ADAM10: variants seen among roughly 807,000 people sequenced by gnomAD.
The protein encoded by ADAM10 is disintegrin and metalloproteinase domain-containing protein 10.
Under a neutral mutation model 90.1 loss-of-function variants are expected in ADAM10, and 17 were observed. The observed-to-expected ratio is 0.19, with a 90% CI of 0.13 to 0.28. The LOEUF is 0.28. ADAM10 is among the 10% of genes least tolerant of loss of function. The pLI, the probability that ADAM10 is intolerant of heterozygous loss-of-function variation, is 1.00. For synonymous variants in ADAM10, 310 were observed against 298.6 expected, an observed-to-expected ratio of 1.04 and a Z score of -0.40; for missense variants, 610 against 914.3, an observed-to-expected ratio of 0.67 and a Z score of 4.29.
chr15:58,696,771 G>C (rs374270838), intron 2 of ADAM10, among the ~76,000 whole-genome samples: 3 of 152,112 alleles, frequency 2.0e-5, no homozygotes, highest in African/African-American at 7.2e-5. Context: ...GGCCAATATC[G>C]ATTTCATAAT....
At chr15:58,631,459 GAA>G (rs1257019829) in intron 9 of ADAM10, among the ~76,000 whole-genome samples, 1 of 152,178 alleles carries the variant, frequency 6.6e-6, no homozygotes, top group Admixed American at 6.5e-5. Context: ...CACAAGAAGT[GAA>G]AAGAGAATGG....
intron 1 of ADAM10, chr15:58,748,555 T>G (rs556855148): frequency 1.1e-5 from 2 of 181,666 alleles, no homozygotes; most frequent in East Asian, 2.7e-4. Flanking sequence ...TTTAGCAAAT[T>G]TGACTTTCAT....
chr15:58,686,735 T>G (rs1475196912), intron 2 of ADAM10: 2 of 615,102 alleles, frequency 3.3e-6, no homozygotes, highest in Non-Finnish European at 5.9e-6. Flanking sequence ...AGCCCTTTCC[T>G]GTGGCCCCGT....
In ADAM10 at chr15:58,646,163, C is replaced by T; in HGVS notation, c.627G>A (p.Leu209=). The part of the protein sequence containing the change: ...EEHAANGPEL[L]RKKRTTSAEK... The stretch of plus-strand genomic sequence containing the variant: ...CAGCTGAAGTTGTACGTTTTTTCCT[C>T]AGAAGTTCTGGACCATTAGCAGCAT... Residue 209 remains leucine (L), a synonymous_variant, in exon 6 of 16, where the codon CTG becomes CTA. Transcript: ENST00000260408. 6.2e-7 allele frequency: 1 copy of T among 1,613,494 alleles called. No homozygotes were observed. The highest frequency in any genetic ancestry group is 8.5e-7 in the Non-Finnish European group (1 of 1,179,802).
intron 6 of ADAM10, among the ~76,000 whole-genome samples, chr15:58,644,931 T>C (rs1896510885): frequency 1.3e-5 from 2 of 152,178 alleles, no homozygotes. Flanking sequence ...TACAAGGAGA[T>C]AAACGATGAT....
chr15:58,674,051 AT>A (rs142282722), intron 4 of ADAM10, among the ~76,000 whole-genome samples: 4 of 151,002 alleles, frequency 2.6e-5, no homozygotes, highest in African/African-American at 4.9e-5. Context: ...TTTTTTTGTG[AT>A]TTTTTTTTAA....
intron 4 of ADAM10, among the ~76,000 whole-genome samples, chr15:58,670,541 C>G (rs1370079981): frequency 6.6e-6 from 1 of 151,914 alleles, no homozygotes; most frequent in African/African-American, 2.4e-5. Flanking sequence ...AAGGAAACAG[C>G]AGAATTTTAT....
chr15:58,685,676 A>G (rs1209083866), intron 2 of ADAM10, among the ~76,000 whole-genome samples: 1 of 151,212 alleles, frequency 6.6e-6, no homozygotes, highest in Non-Finnish European at 1.5e-5. Flanking sequence ...ACAGATACAC[A>G]ATAAACTAGT....
intron 11 of ADAM10, among the ~76,000 whole-genome samples, chr15:58,616,091 A>T (rs1186035124): frequency 1.3e-5 from 2 of 152,192 alleles, no homozygotes; most frequent in Non-Finnish European, 2.9e-5. Context: ...TAACAATTCT[A>T]AATCTATATG....
intron 5 of ADAM10, among the ~76,000 whole-genome samples, chr15:58,663,643 G>A (rs2140726695): frequency 6.6e-6 from 1 of 152,098 alleles, no homozygotes; most frequent in South Asian, 2.1e-4. Flanking sequence ...AATCAATAAA[G>A]GGAGAACTGA....
At position 58,610,480 on chromosome 15, in the gene ADAM10, C is replaced by G; in HGVS notation, c.1842G>C (p.Gln614His). ...PSTCASTGSV[Q>H]WSRHFSGRTI... ...TTCGACCACTGAAGTGCCTACTCCACTGCACAGACCCTGTACTGGCACAAG... is the reference window on the plus strand; with the variant it reads ...TTCGACCACTGAAGTGCCTACTCCAGTGCACAGACCCTGTACTGGCACAAG... Residue 614 changes from glutamine to histidine, a missense_variant, in exon 14 of 16, where the codon CAG becomes CAC. Physicochemically the swap from Gln to His is conservative, Grantham distance 24. Coordinates refer to ENST00000260408, the MANE Select transcript of ADAM10 (RefSeq NM_001110.4). 6.2e-7 allele frequency: 1 copy of G among 1,614,180 alleles called. No homozygotes were observed.
intron 2 of ADAM10, chr15:58,691,360 T>C (rs1897783824): frequency 2.1e-6 from 2 of 954,066 alleles, no homozygotes; most frequent in Admixed American, 1.8e-5. Flanking sequence ...GGCTCACTCA[T>C]ATATATTACC....
intron 5 of ADAM10, among the ~76,000 whole-genome samples, chr15:58,655,711 GTATATATATATATATATA>G (rs1174017303): frequency 1.9e-5 from 1 of 53,734 alleles, no homozygotes; most frequent in African/African-American, 8.1e-5. Flanking sequence ...TATATATATA[GTATATATATATATATATA>G]TATATATATA....
At chr15:58,705,969 T>G (rs1250534247) in intron 2 of ADAM10, among the ~76,000 whole-genome samples, 1 of 152,186 alleles carries the variant, frequency 6.6e-6, no homozygotes, top group Non-Finnish European at 1.5e-5. Flanking sequence ...TAAAGGAAAA[T>G]TTAATATATT....
At chr15:58,747,736 G>A (rs1899837151) in intron 1 of ADAM10, 1 of 152,182 alleles carries the variant, frequency 6.6e-6, no homozygotes, top group South Asian at 2.1e-4. Context: ...AAAGGACTCT[G>A]GAAATATGAA....
chr15:58,612,357 T>C, intron 11 of ADAM10, among the ~76,000 whole-genome samples: 1 of 152,088 alleles, frequency 6.6e-6, no homozygotes, highest in East Asian at 1.9e-4. Context: ...GTAACTCACA[T>C]CCCAGGGAAA....
At chr15:58,686,453 G>A (rs1320541045) in intron 2 of ADAM10, 27 of 1,393,532 alleles carry the variant, frequency 1.9e-5, no homozygotes, top group Non-Finnish European at 2.5e-5. Flanking sequence ...GTGCCTGGTG[G>A]AGCAGCTCAA....
At chr15:58,740,457 A>G (rs2140848741) in intron 1 of ADAM10, among the ~76,000 whole-genome samples, 1 of 152,336 alleles carries the variant, frequency 6.6e-6, no homozygotes, top group Non-Finnish European at 1.5e-5. Flanking sequence ...AATAGAAAAA[A>G]TATGGTATAA....
At chr15:58,645,744 A>G (rs1896529174) in intron 6 of ADAM10, among the ~76,000 whole-genome samples, 2 of 152,178 alleles carry the variant, frequency 1.3e-5, no homozygotes, top group African/African-American at 4.8e-5. Context: ...AAATACTTCC[A>G]GTTGGAAGGA....
Sources: gnomAD v4.1 joint callset for allele counts (sites outside exome capture counted in the v4.1 genomes callset) on GRCh38, gnomAD v4.1.1 for gene constraint, MANE v1.5 for transcripts, NCBI Gene and HGNC (gene_info 2026-07-23, HGNC 2026-07-21) for gene names.